Variants in RELN observed in about 807,000 individuals in gnomAD.
RELN encodes the protein reelin.
In RELN, 108 loss-of-function variants were observed where a neutral mutation model predicts 427.6. That is an observed-to-expected ratio of 0.25 (90% CI 0.22 to 0.30). The LOEUF (loss-of-function observed/expected upper bound fraction) is 0.30. RELN is among the 10% of genes least tolerant of loss of function. The pLI, the probability that RELN is intolerant of heterozygous loss-of-function variation, is 1.00. For synonymous variants in RELN, 1,524 were observed against 1,513.4 expected (o/e 1.01, Z -0.16); for missense variants, 3,715 against 4,302.8 (o/e 0.86, Z 3.82).
chr7:103,567,428 T>G (rs1488941702), intron 31 of RELN, among the ~76,000 whole-genome samples: 1 of 152,144 alleles, frequency 6.6e-6, no homozygotes, highest in Non-Finnish European at 1.5e-5. Context: ...GACTGCACAT[T>G]AAAGTGTAAG....
chr7:103,487,432 A>C lies in RELN; in HGVS notation c.9764-1016T>G, dbSNP rs374367748. Among the ~76,000 whole-genome samples the C allele has an allele frequency of 6.7e-4, 100 of 148,432 alleles. 5 individuals carry two copies. In the East Asian group the frequency reaches 0.015, roughly 23 times the overall value. ...AAAAAAGAGAAATATAACAAAATCC[A>C]GGAAAAAAAATGAATGTTGTTACAG... On this transcript the variant is annotated intron_variant, in intron 60 of 64. Coordinates refer to ENST00000428762, the MANE Select transcript of RELN (RefSeq NM_005045.4).
At chr7:103,964,894 C>T (rs944327949) in intron 1 of RELN, among the ~76,000 whole-genome samples, 2 of 152,142 alleles carry the variant, frequency 1.3e-5, no homozygotes, top group African/African-American at 4.8e-5. Context: ...ATGTCAGCTC[C>T]CCCAGTTAGG....
At chr7:103,495,595 A>G in intron 57 of RELN, 128 bp downstream of exon 57, 1 of 898,754 alleles carries the variant, frequency 1.1e-6, no homozygotes, top group Non-Finnish European at 1.8e-6. Context: ...GACCTCTTTT[A>G]TTCATAAGAT....
chr7:103,823,490 C>G lies in RELN; in HGVS notation c.473+10047G>C, dbSNP rs116149565. ...TATTTTGGAAGTTATAATTTTATTTCTGTTCTTTACATTTACATTTTTAAC... is the reference window on the plus strand; with the variant it reads ...TATTTTGGAAGTTATAATTTTATTTGTGTTCTTTACATTTACATTTTTAAC... On this transcript the variant is annotated intron_variant, in intron 3 of 64. Transcript: ENST00000428762. Among the ~76,000 whole-genome samples the G allele has an allele frequency of 5.1e-3, 771 of 151,890 alleles. 12 individuals are homozygous for G. The highest frequency in any genetic ancestry group is 0.018 in the African/African-American group (736 of 41,476).
intron 8 of RELN, among the ~76,000 whole-genome samples, chr7:103,721,182 C>T (rs1790066509): frequency 6.6e-6 from 1 of 152,052 alleles, no homozygotes; most frequent in Non-Finnish European, 1.5e-5. Flanking sequence ...CTTGAGATCT[C>T]TTTTTCTCAT....
At chr7:103,729,641 C>T (rs1397977698) in intron 6 of RELN, among the ~76,000 whole-genome samples, 1 of 152,178 alleles carries the variant, frequency 6.6e-6, no homozygotes. Context: ...GAAGAGACAA[C>T]AGCAGTAGCT....
intron 2 of RELN, among the ~76,000 whole-genome samples, chr7:103,846,894 C>T (rs117584375): frequency 0.019 from 2,943 of 152,222 alleles, 38 homozygotes; most frequent in Middle Eastern, 0.096. Context: ...CCAGTTAGAA[C>T]GGCGATCATT....
At chr7:103,534,651 C>G (rs964207983) in intron 46 of RELN, among the ~76,000 whole-genome samples, 5 of 151,986 alleles carry the variant, frequency 3.3e-5, no homozygotes, top group African/African-American at 1.2e-4. Flanking sequence ...CCATGCCTGG[C>G]TAATTTTTTA....
chr7:103,752,081 T>C (rs1050623627), intron 5 of RELN, among the ~76,000 whole-genome samples: 40 of 152,248 alleles, frequency 2.6e-4, no homozygotes, highest in Non-Finnish European at 5.1e-4. Context: ...TGTTTGTGTA[T>C]TGATTTACTT....
At chr7:103,879,794 G>A (rs1287225900) in intron 2 of RELN, among the ~76,000 whole-genome samples, 1 of 152,078 alleles carries the variant, frequency 6.6e-6, no homozygotes, top group East Asian at 1.9e-4. Flanking sequence ...TTTTCTTTAG[G>A]ACATATTTTA....
At chr7:103,676,244 C>T (rs113101196) in intron 11 of RELN, among the ~76,000 whole-genome samples, 4,840 of 152,234 alleles carry the variant, frequency 0.032, 242 homozygotes, top group African/African-American at 0.11. Flanking sequence ...TGAACAGACA[C>T]TTCTCAAAAG....
At chr7:103,544,731 T>C (rs1330526208) in intron 42 of RELN, among the ~76,000 whole-genome samples, 1 of 152,198 alleles carries the variant, frequency 6.6e-6, no homozygotes, top group Non-Finnish European at 1.5e-5. Flanking sequence ...AAAACTAAAC[T>C]ATAGAAAGTG....
At chr7:103,742,867 A>T (rs931885927) in intron 6 of RELN, among the ~76,000 whole-genome samples, 74 of 152,188 alleles carry the variant, frequency 4.9e-4, no homozygotes, top group African/African-American at 1.8e-3. Context: ...AACTTCCCCA[A>T]TCTAGCAAGG....
At chr7:103,592,926 T>C (rs111840920) in intron 27 of RELN, among the ~76,000 whole-genome samples, 131 of 152,336 alleles carry the variant, frequency 8.6e-4, no homozygotes, top group African/African-American at 3.1e-3. Context: ...TATTTATGAC[T>C]CACTTCCTTG....
intron 5 of RELN, among the ~76,000 whole-genome samples, chr7:103,750,630 T>C (rs567307720): frequency 6.6e-6 from 1 of 152,296 alleles, no homozygotes; most frequent in African/African-American, 2.4e-5. Context: ...ATTGCTGTAA[T>C]CTACTAACCC....
intron 1 of RELN, among the ~76,000 whole-genome samples, chr7:103,976,963 G>A (rs1796891031): frequency 6.6e-6 from 1 of 152,076 alleles, no homozygotes; most frequent in Non-Finnish European, 1.5e-5. Flanking sequence ...GAGGTTGGGA[G>A]GATCACTTGA....
Position 103,661,533 on chromosome 7 carries a change from A to G in RELN, c.1290-6T>C. 1 of 1,613,294 alleles carries G rather than the reference A, an allele frequency of 6.2e-7. No homozygotes were observed. The highest frequency in any genetic ancestry group is 8.5e-7 in the Non-Finnish European group (1 of 1,179,506). On this transcript the variant is annotated splice_polypyrimidine_tract_variant and splice_region_variant and intron_variant, in intron 11 of 64. Coordinates refer to ENST00000428762, the MANE Select transcript of RELN (RefSeq NM_005045.4). Reference sequence around the variant, plus strand: ...CAGCTCCCAAGACATCCCATCTAAAAAAAAAGGGGGATTAAGAGTTAGAGT... The same window carrying G: ...CAGCTCCCAAGACATCCCATCTAAAGAAAAAGGGGGATTAAGAGTTAGAGT...
At chr7:103,486,643 A>T (rs910376838) in intron 60 of RELN, among the ~76,000 whole-genome samples, 5 of 152,222 alleles carry the variant, frequency 3.3e-5, no homozygotes, top group African/African-American at 1.2e-4. Flanking sequence ...TGGCCAACAA[A>T]CATATGAAAA....
chr7:103,627,083 T>C (rs1349170350), intron 20 of RELN, among the ~76,000 whole-genome samples: 1 of 152,058 alleles, frequency 6.6e-6, no homozygotes, highest in Non-Finnish European at 1.5e-5. Flanking sequence ...TGGAAAGTCA[T>C]GAGTTAGAAA....
Sources: allele counts gnomAD v4.1 joint callset (sites outside exome capture counted in the v4.1 genomes callset), GRCh38; gene constraint gnomAD v4.1.1; transcripts MANE v1.5; gene names NCBI Gene and HGNC (gene_info 2026-07-23, HGNC 2026-07-21).